Variants in POLR3A observed in about 807,000 individuals in gnomAD.
The protein encoded by POLR3A is RNA polymerase III subunit A, also known as DNA-directed RNA polymerase III subunit RPC1.
A neutral mutation model predicts 152.8 loss-of-function variants in POLR3A; 112 were observed. That is an observed-to-expected ratio of 0.73 (90% confidence interval 0.63 to 0.86). The LOEUF (loss-of-function observed/expected upper bound fraction) is 0.86. Among genes scored for constraint, POLR3A ranks in the 40% least tolerant of loss-of-function variants. The pLI is 0.00. For missense variants in POLR3A, 1,385 were observed against 1,743.1 expected, an observed-to-expected ratio of 0.79 and a Z score of 3.66; for synonymous variants, 615 against 652.1, an observed-to-expected ratio of 0.94 and a Z score of 0.87.
chr10:77,989,272 C>A (rs956537851), intron 21 of POLR3A, among the ~76,000 whole-genome samples: 1 of 152,232 alleles, frequency 6.6e-6, no homozygotes, highest in Admixed American at 6.5e-5. Context: ...CCACAGCAGG[C>A]CTATGAGCAC....
chr10:77,988,191 C>G (rs987640311), intron 21 of POLR3A, among the ~76,000 whole-genome samples: 4 of 152,064 alleles, frequency 2.6e-5, no homozygotes. Context: ...ACCCTGCAGC[C>G]CAATCATTGT....
intron 9 of POLR3A, among the ~76,000 whole-genome samples, 187 bp downstream of exon 9, chr10:78,018,975 A>G (rs1400765121): frequency 1.3e-5 from 2 of 152,192 alleles, no homozygotes; most frequent in East Asian, 3.9e-4. Context: ...GGAGCACTTC[A>G]TGTATATTCA....
At chr10:78,016,429 A>G (rs914508455) in intron 10 of POLR3A, among the ~76,000 whole-genome samples, 4 of 151,164 alleles carry the variant, frequency 2.6e-5, no homozygotes, top group Non-Finnish European at 5.9e-5. Flanking sequence ...AAAAAAAAAA[A>G]AAGGGTGGGC....
rs1441151558 is a variant in POLR3A at position 78,000,029 on chromosome 10, T to C, written c.2568A>G (p.Glu856=). The C allele has an allele frequency of 1.2e-6, 2 of 1,614,104 alleles. No individual in the cohort carries two copies. Among genetic ancestry groups the C allele is most frequent in the South Asian group, 2.2e-5 (2 of 91,080 alleles). ...TCTTTACAGCCGTGTCGACTAGACCTTCCCGGCCGGCCATTGTGTGGAAGA... is the reference window on the plus strand; with the variant it reads ...TCTTTACAGCCGTGTCGACTAGACCCTCCCGGCCGGCCATTGTGTGGAAGA... ...EFFFHTMAGR[E]GLVDTAVKTA... Residue 856 remains glutamate, a synonymous_variant, in exon 19 of 31, where the codon GAA becomes GAG. Transcript: ENST00000372371.
At chr10:78,004,025 G>A (rs1847385872) in intron 16 of POLR3A, among the ~76,000 whole-genome samples, 1 of 146,776 alleles carries the variant, frequency 6.8e-6, no homozygotes, top group African/African-American at 2.7e-5. Context: ...CACGAGGTCA[G>A]GAGATCGAGA....
intron 15 of POLR3A, 54 bp downstream of exon 15, chr10:78,007,648 T>C: frequency 1.3e-6 from 2 of 1,488,930 alleles, no homozygotes; most frequent in Non-Finnish European, 1.9e-6. Context: ...ACGTAAACCC[T>C]TAAGACTCTA....
intron 14 of POLR3A, among the ~76,000 whole-genome samples, chr10:78,008,503 G>A (rs939698309): frequency 6.6e-6 from 1 of 152,178 alleles, no homozygotes; most frequent in African/African-American, 2.4e-5. Flanking sequence ...GAGTCCTGGA[G>A]ATCCACTTCT....
At chr10:77,984,634 G>A (rs901874937) in intron 24 of POLR3A, among the ~76,000 whole-genome samples, 17 of 152,184 alleles carry the variant, frequency 1.1e-4, no homozygotes, top group Non-Finnish European at 2.1e-4. Flanking sequence ...GAGCCATTGC[G>A]CCCAGCCGAC....
intron 19 of POLR3A, among the ~76,000 whole-genome samples, chr10:77,996,593 C>T (rs1217704607): frequency 5.9e-4 from 89 of 152,022 alleles, no homozygotes; most frequent in Admixed American, 9.8e-4. Flanking sequence ...ACACATACAT[C>T]CTCCCAAGAC....
intron 29 of POLR3A, 41 bp from the exon 30 acceptor site, chr10:77,980,314 A>G: frequency 1.2e-6 from 2 of 1,609,446 alleles, no homozygotes; most frequent in Non-Finnish European, 1.7e-6. Flanking sequence ...ACTCACACCA[A>G]TGGCAAAAGC....
Position 77,984,261 on chromosome 10 carries a change from C to T in POLR3A, c.3280G>A (p.Asp1094Asn), listed in dbSNP as rs146861723. 1.8e-4 allele frequency: 287 copies of T among 1,613,404 alleles called. No individual in the cohort carries two copies. The African/African-American group carries it at 3.3e-3, about 19-fold the overall frequency. The part of the protein sequence containing the change: ...IITAQLDKDD[D>N]ADYARLVKGR... ...TTCACGAGGCGAGCATAATCCGCGT[C>T]GTCATCCTTGTCTAGCTGTGCTGTG... Residue 1094 changes from aspartate to asparagine, a missense_variant, in exon 25 of 31, where the codon GAC (aspartate) becomes AAC (asparagine). By Grantham distance (23) the Asp-to-Asn change is conservative. Around this residue, in one of 7 missense-constraint regions of POLR3A, gnomAD observed 332 missense variants for 400.1 expected, o/e 0.83. Coordinates refer to ENST00000372371, the MANE Select transcript of POLR3A (RefSeq NM_007055.4).
At chr10:77,997,397 T>C (rs184600437) in intron 19 of POLR3A, among the ~76,000 whole-genome samples, 8 of 152,290 alleles carry the variant, frequency 5.3e-5, no homozygotes, top group Non-Finnish European at 8.8e-5. Context: ...CATGATTGTA[T>C]AGCTAGAAAA....
chr10:78,028,239 G>A lies in POLR3A; in HGVS notation c.44+1125C>T, dbSNP rs960905189. On this transcript the variant is annotated intron_variant, in intron 1 of 30. Transcript: ENST00000372371. ...AGATGACTTCTTAACACAGCTTCAA[G>A]TCTTCTGCTTCCTTCTGATCACCTG... 7.2e-5 allele frequency among the ~76,000 whole-genome samples: 11 copies of A among 152,130 alleles called. No homozygotes were observed. In the East Asian group the frequency reaches 1.7e-3, roughly 24 times the overall value.
chr10:78,006,383 A>C (rs1180275254), intron 15 of POLR3A, among the ~76,000 whole-genome samples: 1 of 142,806 alleles, frequency 7.0e-6, no homozygotes, highest in Admixed American at 7.1e-5. Flanking sequence ...GCGACTGAGC[A>C]AGACTCTGTC....
chr10:77,982,536 A>G, intron 27 of POLR3A, 117 bp downstream of exon 27: 1 of 1,009,220 alleles, frequency 9.9e-7, no homozygotes, highest in Non-Finnish European at 1.5e-6. Flanking sequence ...CTCCTTGGGG[A>G]TAAGGCCAAG....
At chr10:78,023,819 A>AT (rs1347816414) in intron 5 of POLR3A, among the ~76,000 whole-genome samples, 1 of 151,452 alleles carries the variant, frequency 6.6e-6, no homozygotes, top group Admixed American at 6.6e-5. Flanking sequence ...TAAAATAATA[A>AT]TAAAAAAAAA....
chr10:78,017,475 A>T, intron 10 of POLR3A, 100 bp downstream of exon 10: 2 of 1,201,128 alleles, frequency 1.7e-6, no homozygotes, highest in African/African-American at 1.5e-5. Flanking sequence ...TGAAAACTTG[A>T]GATAACAGGC....
chr10:78,008,089 C>T (rs1348641576), intron 14 of POLR3A, among the ~76,000 whole-genome samples: 4 of 152,028 alleles, frequency 2.6e-5, no homozygotes, highest in East Asian at 1.9e-4. Flanking sequence ...GTAGTCCTAA[C>T]CCTGAAATAT....
At chr10:78,024,795 A>C in intron 4 of POLR3A, 92 bp from the exon 5 acceptor site, 2 of 1,357,542 alleles carry the variant, frequency 1.5e-6, no homozygotes, top group Non-Finnish European at 1.0e-6. Context: ...TACTGAAACT[A>C]CTATAGCAAT....
Sources: allele counts gnomAD v4.1 joint callset (sites outside exome capture counted in the v4.1 genomes callset), GRCh38; gene constraint gnomAD v4.1.1; regional missense constraint gnomAD v4.1.1; transcripts MANE v1.5; gene names NCBI Gene and HGNC (gene_info 2026-07-23, HGNC 2026-07-21).